The following TMEM131 variants were observed in gnomAD, a reference collection of about 807,000 sequenced individuals.
TMEM131 encodes the protein transmembrane protein 131.
In TMEM131, 66 loss-of-function variants were observed where a neutral mutation model predicts 211.6. The observed-to-expected ratio is 0.31, with a 90% CI of 0.26 to 0.38. The LOEUF is 0.38. TMEM131 is among the 10% of genes least tolerant of loss of function. The pLI is 1.00. For synonymous variants in TMEM131, 844 were observed against 841.3 expected, an observed-to-expected ratio of 1.00 and a Z score of -0.06; for missense variants, 2,036 against 2,299.3, an observed-to-expected ratio of 0.89 and a Z score of 2.34.
intron 5 of TMEM131, among the ~76,000 whole-genome samples, chr2:97,848,910 A>G (rs886557667): frequency 6.6e-6 from 1 of 152,204 alleles, no homozygotes; most frequent in Non-Finnish European, 1.5e-5. Context: ...TGCAAATCAC[A>G]TATCTCAAGA....
chr2:97,993,967 C>T (rs1303210577), intron 1 of TMEM131, among the ~76,000 whole-genome samples: 2 of 152,152 alleles, frequency 1.3e-5, no homozygotes, highest in African/African-American at 4.8e-5. Flanking sequence ...GTGCTAAGGG[C>T]GCATGAAGAC....
intron 11 of TMEM131, among the ~76,000 whole-genome samples, chr2:97,830,325 T>C (rs1682616525): frequency 1.3e-5 from 2 of 152,154 alleles, no homozygotes; most frequent in Non-Finnish European, 2.9e-5. Context: ...TTAGTGACTA[T>C]TGCTAACTCA....
chr2:97,812,881 A>G (rs1681618291), intron 15 of TMEM131, 132 bp from the exon 16 acceptor site: 1 of 489,120 alleles, frequency 2.0e-6, no homozygotes, highest in Admixed American at 4.0e-5. Flanking sequence ...GTGTGCACCT[A>G]TAATCCCAGC....
intron 35 of TMEM131, chr2:97,764,846 T>C (rs1454795341): frequency 2.0e-5 from 3 of 152,256 alleles, no homozygotes; most frequent in African/African-American, 7.2e-5. Flanking sequence ...AGCCAGTTTG[T>C]GGCTGTGTCT....
intron 1 of TMEM131, among the ~76,000 whole-genome samples, chr2:97,980,040 G>A (rs780297328): frequency 1.2e-4 from 19 of 152,160 alleles, no homozygotes; most frequent in Non-Finnish European, 2.1e-4. Flanking sequence ...GAGGAGGGGC[G>A]AGAAGTGGGG....
intron 1 of TMEM131, among the ~76,000 whole-genome samples, chr2:97,948,815 G>A (rs1391966959): frequency 6.6e-6 from 1 of 151,968 alleles, no homozygotes; most frequent in Non-Finnish European, 1.5e-5. Flanking sequence ...CCGCCACCAC[G>A]CCCGGCTAAT....
chr2:97,989,613 GT>G (rs1157518225), intron 1 of TMEM131, among the ~76,000 whole-genome samples: 2 of 151,962 alleles, frequency 1.3e-5, no homozygotes, highest in Admixed American at 6.6e-5. Flanking sequence ...TTTGTTATGT[GT>G]TTTTTTCACC....
Position 97,766,164 on chromosome 2 carries a change from T to C in TMEM131, c.4673A>G (p.Asp1558Gly), listed in dbSNP as rs1679154003. ...GGAATCCCACTCCGGTGGAGGAGAG[T>C]CTTTTTCACCCTCTGAGCTACTGGT... Reference protein sequence around the residue: ...GNTSSSEGEKDSPPPEWDSVP... With the variant: ...GNTSSSEGEKGSPPPEWDSVP... Residue 1558 changes from aspartate (D) to glycine (G), a missense_variant, in exon 35 of 41, where the codon GAC (aspartate) becomes GGC (glycine). Around this residue, in one of 3 missense-constraint regions of TMEM131, gnomAD observed 1,623 missense variants for 1,805.9 expected, o/e 0.90. Coordinates refer to ENST00000186436, the MANE Select transcript of TMEM131 (RefSeq NM_015348.2). The C allele has an allele frequency of 1.2e-6, 2 of 1,613,620 alleles. No homozygotes were observed. The highest frequency in any genetic ancestry group is 1.7e-6 in the Non-Finnish European group (2 of 1,179,794).
chr2:97,971,486 T>C (rs1371589779), intron 1 of TMEM131, among the ~76,000 whole-genome samples: 8 of 152,194 alleles, frequency 5.3e-5, no homozygotes, highest in Non-Finnish European at 1.2e-4. Flanking sequence ...AGCTTGAAAG[T>C]TTCTATACGT....
At chr2:97,909,147 A>G (rs775019415) in intron 2 of TMEM131, among the ~76,000 whole-genome samples, 15 of 152,224 alleles carry the variant, frequency 9.9e-5, no homozygotes, top group Non-Finnish European at 1.3e-4. Context: ...GGTGCTGTGA[A>G]CAGGAATAAA....
At position 97,943,762 on chromosome 2, in the gene TMEM131, C is replaced by T. The variant is rs535399109; in HGVS notation, c.188-16275G>A. ...AACTTAACTACAAAGGTATATTAAT[C>T]AAGACAGAACAGTACTGGAATAAAG... On this transcript the variant is annotated intron_variant, in intron 1 of 40. Transcript: ENST00000186436. Among the ~76,000 whole-genome samples, 87 of 152,250 alleles carry T rather than the reference C, an allele frequency of 5.7e-4. 1 individual carries two copies. In the South Asian group the frequency reaches 0.018, roughly 32 times the overall value.
At chr2:97,777,011 C>G (rs957734479) in intron 31 of TMEM131, among the ~76,000 whole-genome samples, 1 of 152,236 alleles carries the variant, frequency 6.6e-6, no homozygotes, top group South Asian at 2.1e-4. Flanking sequence ...TTGGAAAAAT[C>G]TGGATGCTAT....
Position 97,835,025 on chromosome 2 carries a change from C to T in TMEM131, c.805-100G>A. ...TGACACTGACTGAAAGATGAGTATT[C>T]TATATACCTATTAATAAAAAAAATG... On this transcript the variant is annotated intron_variant, in intron 8 of 40. Coordinates refer to ENST00000186436, the MANE Select transcript of TMEM131 (RefSeq NM_015348.2). 8 of 1,190,716 alleles carry T rather than the reference C, an allele frequency of 6.7e-6. No homozygotes were observed. The South Asian group carries it at 9.8e-5, about 15-fold the overall frequency. 73.8% of individuals were successfully genotyped at this position (1,190,716 alleles called of 1,614,324 possible).
intron 11 of TMEM131, among the ~76,000 whole-genome samples, chr2:97,820,130 C>T (rs1682042222): frequency 6.6e-6 from 1 of 152,210 alleles, no homozygotes; most frequent in Admixed American, 6.5e-5. Flanking sequence ...TTCTGTGGAC[C>T]TCAGGCTCTC....
At chr2:97,764,631 G>A (rs1304558088) in intron 35 of TMEM131, 2 of 152,326 alleles carry the variant, frequency 1.3e-5, no homozygotes, top group Admixed American at 6.5e-5. Context: ...CTCTGTGGAA[G>A]AGCCAGGCAG....
chr2:97,825,539 G>A (rs988675513), intron 11 of TMEM131, among the ~76,000 whole-genome samples: 1 of 152,124 alleles, frequency 6.6e-6, no homozygotes, highest in Non-Finnish European at 1.5e-5. Flanking sequence ...TCTAATCAAG[G>A]AGACCCAGAG....
At chr2:97,961,613 T>C (rs1035047137) in intron 1 of TMEM131, among the ~76,000 whole-genome samples, 3 of 152,218 alleles carry the variant, frequency 2.0e-5, no homozygotes, top group Non-Finnish European at 2.9e-5. Flanking sequence ...GCAGTATTCA[T>C]ACTGCCTCCC....
In TMEM131 at chr2:97,975,950, C is replaced by T. The variant is rs569389437; in HGVS notation, c.187+19526G>A. On this transcript the variant is annotated intron_variant, in intron 1 of 40. Transcript: ENST00000186436. ...ACCAAGAAAAAAATGCAAGGTTAGT[C>T]ATTCATCATGTTAACCAAAAAAATC... Among the ~76,000 whole-genome samples the T allele has an allele frequency of 1.1e-3, 174 of 152,118 alleles. 1 individual carries two copies. In the South Asian group the frequency reaches 0.013, roughly 12 times the overall value.
intron 27 of TMEM131, among the ~76,000 whole-genome samples, 200 bp downstream of exon 27, chr2:97,796,644 T>A (rs112196159): frequency 2.4e-4 from 36 of 152,344 alleles, no homozygotes; most frequent in African/African-American, 8.7e-4. Context: ...AGCTAAGGTA[T>A]GCAATGAGTG....
Sources: allele counts gnomAD v4.1 joint callset (sites outside exome capture counted in the v4.1 genomes callset), GRCh38; gene constraint gnomAD v4.1.1; regional missense constraint gnomAD v4.1.1; transcripts MANE v1.5; gene names NCBI Gene and HGNC (gene_info 2026-07-23, HGNC 2026-07-21).